SOX6: variants seen among roughly 807,000 people sequenced by gnomAD.
SOX6 encodes the protein SRY-box transcription factor 6.
In SOX6, 11 loss-of-function variants were observed where a neutral mutation model predicts 97.8. The observed-to-expected ratio is 0.11, with a 90% confidence interval of 0.07 to 0.19. The LOEUF is 0.19. Among genes scored for constraint, SOX6 ranks in the 10% least tolerant of loss-of-function variants. The pLI is 1.00. For missense variants in SOX6, 810 were observed against 1,039.5 expected (o/e 0.78, Z 3.04); for synonymous variants, 360 against 371.4 (o/e 0.97, Z 0.35).
At chr11:16,388,343 C>A (rs1276820294) in intron 1 of SOX6, among the ~76,000 whole-genome samples, 1 of 152,030 alleles carries the variant, frequency 6.6e-6, no homozygotes, top group Non-Finnish European at 1.5e-5. Flanking sequence ...ATTTTTGCAT[C>A]TATGACCATG....
At chr11:16,128,367 T>C (rs1007807164) in intron 6 of SOX6, among the ~76,000 whole-genome samples, 4 of 152,220 alleles carry the variant, frequency 2.6e-5, no homozygotes, top group Non-Finnish European at 1.5e-5. Flanking sequence ...TGTATAATAT[T>C]CATGTATTTA....
intron 9 of SOX6, among the ~76,000 whole-genome samples, chr11:16,093,036 A>G (rs1436731199): frequency 6.6e-6 from 1 of 151,966 alleles, no homozygotes; most frequent in African/African-American, 2.4e-5. Context: ...GCAAATGGCA[A>G]CTGGTCCTGA....
chr11:16,263,178 T>C (rs993825807), intron 3 of SOX6, among the ~76,000 whole-genome samples: 1 of 151,886 alleles, frequency 6.6e-6, no homozygotes, highest in Non-Finnish European at 1.5e-5. Context: ...ATAACAATGA[T>C]GGTGATGAAC....
At chr11:16,043,527 T>C (rs1382808726) in intron 12 of SOX6, among the ~76,000 whole-genome samples, 1 of 152,194 alleles carries the variant, frequency 6.6e-6, no homozygotes, top group Non-Finnish European at 1.5e-5. Context: ...AATAGGGATT[T>C]ACCCAATACA....
At chr11:16,544,833 G>A (rs1425036423) in intron 4 of SOX6, among the ~76,000 whole-genome samples, 1 of 151,986 alleles carries the variant, frequency 6.6e-6, no homozygotes, top group African/African-American at 2.4e-5. Flanking sequence ...CAGGTACAAT[G>A]TTAAAACAGC....
intron 9 of SOX6, among the ~76,000 whole-genome samples, chr11:16,075,334 T>G (rs1007928046): frequency 6.6e-6 from 1 of 152,158 alleles, no homozygotes; most frequent in Non-Finnish European, 1.5e-5. Flanking sequence ...TCTTACATAG[T>G]GGCAGGCAAA....
intron 6 of SOX6, among the ~76,000 whole-genome samples, chr11:16,145,893 G>A (rs1038969178): frequency 2.0e-5 from 3 of 152,280 alleles, no homozygotes; most frequent in South Asian, 2.1e-4. Context: ...TCATGGGTAG[G>A]AAGAATCAAT....
intron 4 of SOX6, among the ~76,000 whole-genome samples, chr11:16,542,348 A>G (rs752034347): frequency 6.6e-6 from 1 of 152,198 alleles, no homozygotes; most frequent in Non-Finnish European, 1.5e-5. Flanking sequence ...TAGCATTAGG[A>G]GAAATACCTA....
chr11:15,983,956 A>C (rs535707299), intron 15 of SOX6, among the ~76,000 whole-genome samples: 2 of 152,300 alleles, frequency 1.3e-5, no homozygotes, highest in African/African-American at 4.8e-5. Flanking sequence ...CATGACTGCC[A>C]GCATAGGGCT....
At chr11:16,201,059 G>T (rs1215955257) in intron 4 of SOX6, among the ~76,000 whole-genome samples, 1 of 151,870 alleles carries the variant, frequency 6.6e-6, no homozygotes, top group African/African-American at 2.4e-5. Flanking sequence ...GGAGGTTGCA[G>T]TGAGCTGACA....
chr11:16,711,452 G>A (rs1848180447), intron 3 of SOX6, among the ~76,000 whole-genome samples: 1 of 152,178 alleles, frequency 6.6e-6, no homozygotes, highest in Non-Finnish European at 1.5e-5. Context: ...GAGCCTCGGA[G>A]GTGGAAGCTC....
At chr11:16,344,021 C>T (rs530105946) in intron 1 of SOX6, among the ~76,000 whole-genome samples, 2 of 152,066 alleles carry the variant, frequency 1.3e-5, no homozygotes, top group African/African-American at 4.8e-5. Context: ...GAAAAACACA[C>T]TCAGTTTTGA....
chr11:16,559,883 T>C (rs1847788923), intron 4 of SOX6, among the ~76,000 whole-genome samples: 1 of 152,158 alleles, frequency 6.6e-6, no homozygotes, highest in South Asian at 2.1e-4. Flanking sequence ...CCTAGCATAT[T>C]AATGCACTAT....
At chr11:16,302,643 C>A (rs1177885390) in intron 3 of SOX6, among the ~76,000 whole-genome samples, 1 of 133,272 alleles carries the variant, frequency 7.5e-6, no homozygotes, top group Non-Finnish European at 1.5e-5. Flanking sequence ...GATCTCAGGT[C>A]ACTGCAACCT....
chr11:16,536,384 T>A (rs34241215), intron 4 of SOX6, among the ~76,000 whole-genome samples: 1 of 151,918 alleles, frequency 6.6e-6, no homozygotes, highest in Admixed American at 6.6e-5. Context: ...CCCGGCGAGA[T>A]TGACGCAGAA....
intron 2 of SOX6, 45 bp downstream of exon 2, chr11:16,340,967 C>A (rs1451888298): frequency 1.9e-6 from 3 of 1,611,700 alleles, no homozygotes; most frequent in African/African-American, 1.3e-5. Flanking sequence ...TGAGGACATT[C>A]TAAGGAATGC....
chr11:16,267,637 G>T (rs1854119918), intron 3 of SOX6, among the ~76,000 whole-genome samples: 1 of 151,472 alleles, frequency 6.6e-6, no homozygotes, highest in South Asian at 2.1e-4. Flanking sequence ...CTGTATGCAG[G>T]TTCCTGAAAA....
intron 4 of SOX6, among the ~76,000 whole-genome samples, chr11:16,217,730 A>C (rs931274852): frequency 6.6e-6 from 1 of 152,140 alleles, no homozygotes; most frequent in Non-Finnish European, 1.5e-5. Context: ...GCATATGTAC[A>C]GTTTCAAGTC....
intron 2 of SOX6, among the ~76,000 whole-genome samples, chr11:16,725,762 C>T (rs1363981521): frequency 1.3e-5 from 2 of 152,016 alleles, no homozygotes; most frequent in Non-Finnish European, 2.9e-5. Context: ...TTTAAGTCAA[C>T]TAAATTTCAA....
Sources: allele counts gnomAD v4.1 joint callset (sites outside exome capture counted in the v4.1 genomes callset), GRCh38; gene constraint gnomAD v4.1.1; transcripts MANE v1.5; gene names NCBI Gene and HGNC (gene_info 2026-07-23, HGNC 2026-07-21).